The following GRIK3 variants were observed in gnomAD, a reference collection of about 807,000 sequenced individuals.
GRIK3 encodes glutamate receptor ionotropic, kainate 3.
In GRIK3, 29 loss-of-function variants were observed where a neutral mutation model predicts 102.5. The ratio of observed to expected loss-of-function variants is 0.28; its 90% CI spans 0.21 to 0.39. GRIK3 has a LOEUF of 0.39. Ranked by LOEUF, GRIK3 falls within the 10% of genes least tolerant of loss-of-function variation. The pLI is 1.00. For missense variants in GRIK3, 908 were observed against 1,252.4 expected, an observed-to-expected ratio of 0.73 and a Z score of 4.15; for synonymous variants, 511 against 504.9, an observed-to-expected ratio of 1.01 and a Z score of -0.16.
At chr1:37,015,270 C>T (rs1193416084) in intron 1 of GRIK3, among the ~76,000 whole-genome samples, 1 of 152,164 alleles carries the variant, frequency 6.6e-6, no homozygotes, top group Non-Finnish European at 1.5e-5. Context: ...GGGGATAACT[C>T]ACACACCCAA....
intron 7 of GRIK3, among the ~76,000 whole-genome samples, chr1:36,855,546 G>A (rs1640642243): frequency 6.6e-6 from 1 of 152,260 alleles, no homozygotes; most frequent in Admixed American, 6.5e-5. Context: ...TAAAACCAAA[G>A]TGGTTAGAAA....
rs549761496 is a variant in GRIK3 at position 36,813,659 on chromosome 1, G to T, written c.2091+3401C>A. 3.9e-5 allele frequency among the ~76,000 whole-genome samples: 6 copies of T among 152,130 alleles called. No homozygotes were observed. In the East Asian group the frequency reaches 1.2e-3, roughly 29 times the overall value. On this transcript the variant is annotated intron_variant, in intron 13 of 15. Transcript: ENST00000373091. ...GTGCTAACCAGAAGGCTATCACCTG[G>T]CCCGGGGGGAAGGTCTACTTAGGAA...
At chr1:36,868,762 A>G (rs944704088) in intron 5 of GRIK3, among the ~76,000 whole-genome samples, 1 of 152,150 alleles carries the variant, frequency 6.6e-6, no homozygotes, top group African/African-American at 2.4e-5. Context: ...GTGAACTCCT[A>G]TGGATCTTTC....
At position 36,825,811 on chromosome 1, in the gene GRIK3, C is replaced by T. The variant is rs1215195548; in HGVS notation, c.1546G>A (p.Val516Met). Residue 516 changes from valine to methionine, a missense_variant, in exon 11 of 16, where the codon GTG (valine) becomes ATG (methionine). Around this residue, in one of 3 missense-constraint regions of GRIK3, gnomAD observed 585 missense variants for 824.9 expected, o/e 0.71. Transcript: ENST00000373091. ...ELIDHKADLA[V>M]APLTITHVRE... is the part of the protein sequence containing the mutation. ...ACATGGGTGATGGTCAGGGGGGCCACGGCCAGATCTGCCTTCTGCAACCAG... is the reference window on the plus strand; with the variant it reads ...ACATGGGTGATGGTCAGGGGGGCCATGGCCAGATCTGCCTTCTGCAACCAG... 13 of 1,609,280 alleles carry T rather than the reference C, an allele frequency of 8.1e-6. No homozygotes were observed. The highest frequency in any genetic ancestry group is 1.0e-5 in the Non-Finnish European group (12 of 1,177,516).
intron 4 of GRIK3, among the ~76,000 whole-genome samples, chr1:36,871,783 G>C (rs1640846379): frequency 6.6e-6 from 1 of 152,184 alleles, no homozygotes; most frequent in Non-Finnish European, 1.5e-5. Context: ...TGGAAGAGGC[G>C]GTGAGGCATT....
chr1:36,830,197 C>A (rs1487378278), intron 10 of GRIK3, among the ~76,000 whole-genome samples: 1 of 152,180 alleles, frequency 6.6e-6, no homozygotes, highest in Non-Finnish European at 1.5e-5. Flanking sequence ...TGGTCAACAT[C>A]CTCGTCATAT....
Position 36,859,123 on chromosome 1 carries a change from C to T in GRIK3, c.1089G>A (p.Met363Ile), listed in dbSNP as rs140184061. The T allele has an allele frequency of 1.6e-5, 26 of 1,610,322 alleles. No individual in the cohort carries two copies. The African/African-American group carries it at 2.3e-4, about 14-fold the overall frequency. ...GGGCACTCACCTCCTTGATGAAGTT[C>T]ATGAAGCGGCCGCCAAAGCGCCAGG... ...HKAWRFGGRFMNFIKEAQWEG... is the reference protein window; with the variant it reads ...HKAWRFGGRFINFIKEAQWEG... Residue 363 changes from methionine to isoleucine, a missense_variant, in exon 7 of 16, where the codon ATG becomes ATA. Coordinates refer to ENST00000373091, the MANE Select transcript of GRIK3 (RefSeq NM_000831.4).
chr1:37,025,033 G>C (rs1461036499), intron 1 of GRIK3, among the ~76,000 whole-genome samples: 1 of 152,196 alleles, frequency 6.6e-6, no homozygotes, highest in East Asian at 1.9e-4. Flanking sequence ...GGGATCAAGA[G>C]TTGAAACTCA....
intron 13 of GRIK3, among the ~76,000 whole-genome samples, chr1:36,808,587 G>A (rs1211352320): frequency 6.6e-6 from 1 of 152,148 alleles, no homozygotes; most frequent in African/African-American, 2.4e-5. Context: ...AGTCACCTGG[G>A]GGGAGCTGAG....
At chr1:36,977,028 C>T (rs990480436) in intron 1 of GRIK3, among the ~76,000 whole-genome samples, 9 of 152,280 alleles carry the variant, frequency 5.9e-5, no homozygotes, top group African/African-American at 1.7e-4. Context: ...TGCTTGGTCA[C>T]TCCCTCCAGA....
At chr1:36,906,755 G>T (rs1025440610) in intron 1 of GRIK3, among the ~76,000 whole-genome samples, 1 of 152,188 alleles carries the variant, frequency 6.6e-6, no homozygotes, top group African/African-American at 2.4e-5. Context: ...AACTTTATTT[G>T]CAAAAATACA....
At chr1:36,943,041 G>A (rs1641744784) in intron 1 of GRIK3, among the ~76,000 whole-genome samples, 1 of 152,162 alleles carries the variant, frequency 6.6e-6, no homozygotes, top group Non-Finnish European at 1.5e-5. Context: ...CCACTCACCA[G>A]CATCCCTCCT....
At chr1:36,912,498 G>A (rs942601707) in intron 1 of GRIK3, among the ~76,000 whole-genome samples, 2 of 151,244 alleles carry the variant, frequency 1.3e-5, no homozygotes, top group Non-Finnish European at 2.9e-5. Context: ...CCTGCTTACC[G>A]GTCTCTCTTC....
chr1:36,958,467 G>GTGT (rs1641953551), intron 1 of GRIK3, among the ~76,000 whole-genome samples: 1 of 145,820 alleles, frequency 6.9e-6, no homozygotes. Flanking sequence ...GTGAGTCTGT[G>GTGT]CCCCCTAAGT....
chr1:36,810,881 TC>T (rs1196889663), intron 13 of GRIK3, among the ~76,000 whole-genome samples: 3 of 152,046 alleles, frequency 2.0e-5, no homozygotes, highest in South Asian at 2.1e-4. Flanking sequence ...CTAGTTCACC[TC>T]CCCCCATCCC....
chr1:36,801,379 A>G lies in GRIK3; in HGVS notation c.*472T>C, dbSNP rs1642438070. On this transcript the variant is annotated 3_prime_UTR_variant, in exon 16 of 16. Transcript: ENST00000373091. ...GCATATGGGATGGGTATCCCTCACC[A>G]TGAGCTCCCATTGGCAGCCATGCTA... 6.4e-6 allele frequency: 1 copy of G among 155,042 alleles called. No homozygotes were observed. Among genetic ancestry groups the G allele is most frequent in the Non-Finnish European group, 1.4e-5 (1 of 69,596 alleles). The allele number at this position is 155,042 out of a possible 1,614,324, so 9.6% of individuals were successfully genotyped here. A position where few individuals can be genotyped will look rare whatever the true frequency, so the allele number is the denominator to read the frequency against.
intron 1 of GRIK3, among the ~76,000 whole-genome samples, chr1:36,926,561 T>C (rs1419122175): frequency 1.1e-4 from 16 of 152,110 alleles, no homozygotes; most frequent in Non-Finnish European, 7.3e-5. Context: ...TGGCTAATTT[T>C]TGTATTTTTA....
At chr1:36,976,498 T>A (rs992264343) in intron 1 of GRIK3, among the ~76,000 whole-genome samples, 3 of 152,044 alleles carry the variant, frequency 2.0e-5, no homozygotes, top group Non-Finnish European at 4.4e-5. Flanking sequence ...ATTGTCCCCA[T>A]CCCCATGGGC....
chr1:36,847,114 A>G (rs936596676), intron 9 of GRIK3, among the ~76,000 whole-genome samples: 11 of 152,238 alleles, frequency 7.2e-5, no homozygotes, highest in Admixed American at 2.6e-4. Flanking sequence ...TTGATACTAC[A>G]TGATGGGGTT....
Sources: allele counts gnomAD v4.1 joint callset (sites outside exome capture counted in the v4.1 genomes callset), GRCh38; gene constraint gnomAD v4.1.1; regional missense constraint gnomAD v4.1.1; transcripts MANE v1.5; gene names NCBI Gene and HGNC (gene_info 2026-07-23, HGNC 2026-07-21).